The following DCPS variants were observed in gnomAD, a reference collection of about 807,000 sequenced individuals.
DCPS encodes the protein decapping enzyme, scavenger.
A neutral mutation model predicts 34.7 loss-of-function variants in DCPS; 27 were observed. That is an observed-to-expected ratio of 0.78 (90% confidence interval 0.57 to 1.07). The LOEUF (loss-of-function observed/expected upper bound fraction) is 1.07. DCPS is among the 50% of genes least tolerant of loss of function. The pLI, the probability that DCPS is intolerant of heterozygous loss-of-function variation, is 0.00. For synonymous variants in DCPS, 185 were observed against 185.7 expected (o/e 1.00, Z 0.03); for missense variants, 464 against 436.9 (o/e 1.06, Z -0.55).
At position 126,312,505 on chromosome 11, in the gene DCPS, A is replaced by T. The variant is rs541614614; in HGVS notation, c.376+5761A>T. On this transcript the variant is annotated intron_variant, in intron 2 of 5. Coordinates refer to ENST00000263579, the MANE Select transcript of DCPS (RefSeq NM_014026.6). This position sits in a 1 kb window ranked among gnomAD's most constrained non-coding sequence, Gnocchi z 5.1. ...AGGCACCCGCCACCACACCCAGCTA[A>T]TTTTTTTGTATTTTTAATAGAGATG... Among the ~76,000 whole-genome samples, 1 of 150,346 alleles carries T rather than the reference A, an allele frequency of 6.7e-6. No homozygotes were observed. Among genetic ancestry groups the T allele is most frequent in the East Asian group, 2.0e-4 (1 of 4,950 alleles).
rs537252423 is a variant in DCPS, at chr11:126,331,942, C to T, written c.522+392C>T. Among the ~76,000 whole-genome samples, 84 of 152,258 alleles carry T rather than the reference C, an allele frequency of 5.5e-4. No individual in the cohort carries two copies. Among genetic ancestry groups the T allele is most frequent in the African/African-American group, 2.0e-3 (84 of 41,542 alleles). Reference sequence around the variant, plus strand: ...GATGTGCTTGGGCATGCCATGGAGGCTCTCTGGGGACCTCAAAGCAATCCA... The same window carrying T: ...GATGTGCTTGGGCATGCCATGGAGGTTCTCTGGGGACCTCAAAGCAATCCA... On this transcript the variant is annotated intron_variant, in intron 3 of 5. Transcript: ENST00000263579. The surrounding 1 kb of genome is among the most constrained non-coding windows in gnomAD (Gnocchi z 7.2).
chr11:126,306,845 C>T, intron 2 of DCPS, 101 bp downstream of exon 2: 7 of 1,353,360 alleles, frequency 5.2e-6, no homozygotes, highest in Non-Finnish European at 7.0e-6. Context: ...TTTGCATATT[C>T]TAGTACAATA....
Position 126,312,485 on chromosome 11 carries a change from C to T in DCPS, c.376+5741C>T, listed in dbSNP as rs1169203309. Among the ~76,000 whole-genome samples the T allele has an allele frequency of 6.6e-6, 1 of 151,950 alleles. No homozygotes were observed. The highest frequency in any genetic ancestry group is 2.4e-5 in the African/African-American group (1 of 41,382). ...TCCTGAGTAGCTGGGACTACAGGCACCCGCCACCACACCCAGCTAATTTTT... is the reference window on the plus strand; with the variant it reads ...TCCTGAGTAGCTGGGACTACAGGCATCCGCCACCACACCCAGCTAATTTTT... On this transcript the variant is annotated intron_variant, in intron 2 of 5. Transcript: ENST00000263579. The surrounding 1 kb of genome is among the most constrained non-coding windows in gnomAD (Gnocchi z 5.1).
intron 2 of DCPS, among the ~76,000 whole-genome samples, chr11:126,326,084 C>T (rs1591386613): frequency 1.3e-5 from 2 of 152,230 alleles, no homozygotes; most frequent in African/African-American, 4.8e-5. Context: ...CACCACTGCA[C>T]TCCAGCCTGG....
Position 126,345,571 on chromosome 11 carries a change from C to G in DCPS, c.972C>G (p.Asp324Glu), listed in dbSNP as rs201746166. 6.2e-7 allele frequency: 1 copy of G among 1,613,706 alleles called. No individual in the cohort carries two copies. Among genetic ancestry groups the G allele is most frequent in the South Asian group, 1.1e-5 (1 of 91,082 alleles). The change falls in exon 6 of 6, where the codon GAC becomes GAG. Residue 324 changes from aspartate to glutamate, a missense_variant. Asp to Glu is a conservative substitution (Grantham distance 45). Transcript: ENST00000263579. The surrounding 1 kb of genome is among the most constrained non-coding windows in gnomAD (Gnocchi z 7.4). Reference protein sequence around the residue: ...QRTLTFALRADDPLLKLLQEA... With the variant: ...QRTLTFALRAEDPLLKLLQEA... ...CGCTCACCTTCGCCCTCAGGGCTGA[C>G]GACCCCCTGCTCAAGCTCTTGCAGG...
At position 126,305,808 on chromosome 11, in the gene DCPS, C is replaced by T. The variant is rs999680324; in HGVS notation, c.202-762C>T. 2.6e-5 allele frequency among the ~76,000 whole-genome samples: 4 copies of T among 152,148 alleles called. 1 individual carries two copies. The highest frequency in any genetic ancestry group is 4.8e-5 in the African/African-American group (2 of 41,414). On this transcript the variant is annotated intron_variant, in intron 1 of 5. Coordinates refer to ENST00000263579, the MANE Select transcript of DCPS (RefSeq NM_014026.6). Reference sequence around the variant, plus strand: ...TGTATGCGATTCTGTCTGGTTCTCTCAGCCCAGCTGTCTTCAGTGTGCAGC... The same window carrying T: ...TGTATGCGATTCTGTCTGGTTCTCTTAGCCCAGCTGTCTTCAGTGTGCAGC...
chr11:126,343,446 G>A (rs240537), intron 5 of DCPS, 29 bp downstream of exon 5: 4 of 1,554,610 alleles, frequency 2.6e-6, no homozygotes, highest in Non-Finnish European at 3.5e-6. Flanking sequence ...CCACGTGGAA[G>A]CTCAGAGAAA....
chr11:126,344,888 T>C lies in DCPS; in HGVS notation c.748-459T>C, dbSNP rs941155620. On this transcript the variant is annotated intron_variant, in intron 5 of 5. Coordinates refer to ENST00000263579, the MANE Select transcript of DCPS (RefSeq NM_014026.6). The surrounding 1 kb of genome is among the most constrained non-coding windows in gnomAD (Gnocchi z 8.1). ...CAGCATAGCCCCATCCCCAACTTCA[T>C]TGTTTCCAAGCTCCACCCTGTGCTA... Among the ~76,000 whole-genome samples the C allele has an allele frequency of 3.3e-5, 5 of 151,852 alleles. No homozygotes were observed.
chr11:126,304,303 G>A (rs1002826025), intron 1 of DCPS, 22 bp downstream of exon 1: 8 of 1,613,296 alleles, frequency 5.0e-6, no homozygotes, highest in African/African-American at 1.3e-5. Context: ...CAACCCTGAG[G>A]TGGGATGCGG....
In DCPS at chr11:126,325,728, T is replaced by G. The variant is rs1390956978; in HGVS notation, c.377-5677T>G. On this transcript the variant is annotated intron_variant, in intron 2 of 5. Transcript: ENST00000263579. This position sits in a 1 kb window ranked among gnomAD's most constrained non-coding sequence, Gnocchi z 4.3. Reference sequence around the variant, plus strand: ...GTGTTAAAAAGCATGACAGGGGAACTCTGTAAGGAGTGTTGGAGGTGCTCT... The same window carrying G: ...GTGTTAAAAAGCATGACAGGGGAACGCTGTAAGGAGTGTTGGAGGTGCTCT... 2.0e-5 allele frequency among the ~76,000 whole-genome samples: 3 copies of G among 152,184 alleles called. No individual in the cohort carries two copies. The highest frequency in any genetic ancestry group is 2.9e-5 in the Non-Finnish European group (2 of 68,028).
chr11:126,340,823 G>C (rs1321361141), intron 4 of DCPS: 1 of 152,240 alleles, frequency 6.6e-6, no homozygotes, highest in African/African-American at 2.4e-5. Context: ...GTTTGCTAGA[G>C]ACTGTGCCTC....
intron 2 of DCPS, among the ~76,000 whole-genome samples, chr11:126,330,181 T>A (rs1951771777): frequency 6.8e-6 from 1 of 147,114 alleles, no homozygotes; most frequent in Non-Finnish European, 1.5e-5. Flanking sequence ...CTGGGGACAC[T>A]TTTTCCTTTC....
intron 1 of DCPS, 106 bp downstream of exon 1, chr11:126,304,387 T>C: frequency 7.6e-7 from 1 of 1,310,976 alleles, no homozygotes; most frequent in Non-Finnish European, 1.1e-6. Context: ...TACCAATCAT[T>C]ATCACTCCGG....
rs1289501308 is a variant in DCPS at position 126,331,500 on chromosome 11, T to C, written c.472T>C (p.Tyr158His). Residue 158 changes from tyrosine (Y) to histidine (H), a missense_variant, in exon 3 of 6, where the codon TAC (tyrosine) becomes CAC (histidine). Tyr to His is a moderately conservative substitution (Grantham distance 83). Transcript: ENST00000263579. The surrounding 1 kb of genome is among the most constrained non-coding windows in gnomAD (Gnocchi z 7.2). ...CCTGATCCGAGAGACGGGAGATGACTACAGGAATATTACTTTACCCCACCT... is the reference window on the plus strand; with the variant it reads ...CCTGATCCGAGAGACGGGAGATGACCACAGGAATATTACTTTACCCCACCT... ...LRLIRETGDD[Y>H]RNITLPHLES... is the part of the protein sequence containing the mutation. The C allele has an allele frequency of 3.1e-6, 5 of 1,613,966 alleles. No homozygotes were observed. Among genetic ancestry groups the C allele is most frequent in the Non-Finnish European group, 4.2e-6 (5 of 1,180,024 alleles).
intron 2 of DCPS, among the ~76,000 whole-genome samples, chr11:126,311,724 C>G (rs561746798): frequency 6.6e-6 from 1 of 152,230 alleles, no homozygotes; most frequent in South Asian, 2.1e-4. Flanking sequence ...GTGTGTACTA[C>G]AGATGAAGTT....
rs1188920133 is a variant in DCPS, at chr11:126,304,328, A to C, written c.201+47A>C. 5.0e-6 allele frequency: 8 copies of C among 1,597,620 alleles called. No individual in the cohort carries two copies. The East Asian group carries it at 1.8e-4, about 36-fold the overall frequency. ...GTGGGATGCGGGAAGCAGTGAACCA[A>C]TCATCGCCTCGGAGGCAGATTTTTT... On this transcript the variant is annotated intron_variant, in intron 1 of 5. Coordinates refer to ENST00000263579, the MANE Select transcript of DCPS (RefSeq NM_014026.6).
chr11:126,324,174 T>G (rs1951725339), intron 2 of DCPS, among the ~76,000 whole-genome samples: 1 of 152,222 alleles, frequency 6.6e-6, no homozygotes, highest in African/African-American at 2.4e-5. Context: ...CATAACAGAT[T>G]GCAGTAGCAA....
rs1212639724 is a variant in DCPS, at chr11:126,304,165, G to A, written c.85G>A (p.Glu29Lys). The A allele has an allele frequency of 3.1e-6, 5 of 1,614,266 alleles. No homozygotes were observed. Among genetic ancestry groups the A allele is most frequent in the Admixed American group, 1.7e-5 (1 of 60,028 alleles). The change falls in exon 1 of 6, where the codon GAG becomes AAG. Residue 29 changes from glutamate (E) to lysine (K), a missense_variant. Transcript: ENST00000263579. ...CCACGCCGCCAGCACAGAGGAAAAG[G>A]AGGCAGGAGTTGGAAATGGTACCTG... Reference protein sequence around the residue: ...EAHAASTEEKEAGVGNGTCAP... With the variant: ...EAHAASTEEKKAGVGNGTCAP...
In DCPS at chr11:126,322,303, G is replaced by A. The variant is rs759892726; in HGVS notation, c.377-9102G>A. Among the ~76,000 whole-genome samples the A allele has an allele frequency of 3.9e-5, 6 of 152,010 alleles. No individual in the cohort carries two copies. The highest frequency in any genetic ancestry group is 5.9e-5 in the Non-Finnish European group (4 of 68,020). On this transcript the variant is annotated intron_variant, in intron 2 of 5. Coordinates refer to ENST00000263579, the MANE Select transcript of DCPS (RefSeq NM_014026.6). This position sits in a 1 kb window ranked among gnomAD's most constrained non-coding sequence, Gnocchi z 4.2. ...TTTTGAGACAGAGTCTCACTTTGTC[G>A]CCCAGGCTGGAGTGCATTGGTGCCA...
Sources: gnomAD v4.1 joint callset for allele counts (sites outside exome capture counted in the v4.1 genomes callset) on GRCh38, gnomAD v4.1.1 for gene constraint, Gnocchi (gnomAD v3.1) non-coding constraint, MANE v1.5 for transcripts, NCBI Gene and HGNC (gene_info 2026-07-23, HGNC 2026-07-21) for gene names.